Variants in KMT2C observed in about 807,000 individuals in gnomAD.
KMT2C encodes the protein histone-lysine N-methyltransferase 2C.
KMT2C carries 88 observed loss-of-function variants against 507.9 expected under a neutral mutation model. That is an observed-to-expected ratio of 0.17 (90% CI 0.15 to 0.21). KMT2C has a LOEUF of 0.21. Among genes scored for constraint, KMT2C ranks in the 10% least tolerant of loss-of-function variants. The pLI is 1.00. For missense variants in KMT2C, 4,954 were observed against 5,957.8 expected, an observed-to-expected ratio of 0.83 and a Z score of 5.55; for synonymous variants, 2,049 against 2,080.8, an observed-to-expected ratio of 0.98 and a Z score of 0.42.
chr7:152,400,550 C>T (rs1330571219), intron 1 of KMT2C, among the ~76,000 whole-genome samples: 1 of 152,182 alleles, frequency 6.6e-6, no homozygotes, highest in African/African-American at 2.4e-5. Context: ...CAACAATGGA[C>T]ATAGAAGACA....
At chr7:152,201,768 A>ATT (rs1248337782) in intron 26 of KMT2C, among the ~76,000 whole-genome samples, 7 of 152,068 alleles carry the variant, frequency 4.6e-5, no homozygotes, top group African/African-American at 1.7e-4. Context: ...GATATACAAA[A>ATT]AGTAAGGCAC....
intron 14 of KMT2C, among the ~76,000 whole-genome samples, chr7:152,247,169 G>A (rs1043037431): frequency 6.6e-6 from 1 of 152,034 alleles, no homozygotes; most frequent in Admixed American, 6.6e-5. Context: ...ACTTCAGAAA[G>A]CAGCAATTTT....
intron 6 of KMT2C, among the ~76,000 whole-genome samples, chr7:152,296,121 T>C (rs2096492828): frequency 1.5e-5 from 2 of 130,364 alleles, no homozygotes; most frequent in Admixed American, 7.6e-5. Context: ...TTCTAGCTAA[T>C]AAAATGTTAA....
chr7:152,153,077 A>G (rs1252816882), intron 48 of KMT2C, 123 bp from the exon 49 acceptor site: 1 of 1,274,246 alleles, frequency 7.8e-7, no homozygotes, highest in East Asian at 2.4e-5. Context: ...AATCCAACAA[A>G]TTTTATTTAG....
chr7:152,241,248 A>T (rs2095377020), intron 14 of KMT2C, among the ~76,000 whole-genome samples: 1 of 152,042 alleles, frequency 6.6e-6, no homozygotes, highest in African/African-American at 2.4e-5. Flanking sequence ...CACCCAGGCT[A>T]GAGTGCGGTG....
At chr7:152,260,762 A>G (rs1359024939) in intron 9 of KMT2C, among the ~76,000 whole-genome samples, 3 of 152,282 alleles carry the variant, frequency 2.0e-5, no homozygotes, top group Admixed American at 2.0e-4. Flanking sequence ...TTAAAGGAAC[A>G]TAACCAAGAC....
rs10267505 is a variant in KMT2C, at chr7:152,281,469, C to T, written c.850-7602G>A. On this transcript the variant is annotated intron_variant, in intron 6 of 58. Coordinates refer to ENST00000262189, the MANE Select transcript of KMT2C (RefSeq NM_170606.3). ...CATCTACGCCAGGCACAGTGGCTCA[C>T]GCATGTAATCCCAACACTTTGGAAG... Among the ~76,000 whole-genome samples the T allele has an allele frequency of 2.8e-3, 432 of 152,136 alleles. 2 individuals are homozygous for T. Among genetic ancestry groups the T allele is most frequent in the African/African-American group, 0.01 (424 of 41,440 alleles).
chr7:152,378,393 C>CA (rs113374325), intron 1 of KMT2C, among the ~76,000 whole-genome samples: 4 of 151,950 alleles, frequency 2.6e-5, no homozygotes, highest in East Asian at 3.9e-4. Flanking sequence ...CCTCTATCAG[C>CA]AAAAAATCTT....
At chr7:152,355,032 T>C (rs1225423790) in intron 2 of KMT2C, among the ~76,000 whole-genome samples, 2 of 152,134 alleles carry the variant, frequency 1.3e-5, no homozygotes, top group Non-Finnish European at 2.9e-5. Context: ...GGAATGGTAG[T>C]GTGAAGTTCT....
intron 22 of KMT2C, 56 bp from the exon 23 acceptor site, chr7:152,220,791 G>A (rs2094740452): frequency 1.5e-6 from 2 of 1,337,128 alleles, no homozygotes; most frequent in South Asian, 1.2e-5. Flanking sequence ...AAATTTGACT[G>A]ATTACTGTTC....
At chr7:152,341,844 T>C (rs1311854712) in intron 2 of KMT2C, among the ~76,000 whole-genome samples, 1 of 152,218 alleles carries the variant, frequency 6.6e-6, no homozygotes, top group African/African-American at 2.4e-5. Flanking sequence ...AATGTCACCA[T>C]AATCTGTTGT....
chr7:152,348,238 C>A (rs1315624834), intron 2 of KMT2C, among the ~76,000 whole-genome samples: 5 of 152,114 alleles, frequency 3.3e-5, no homozygotes, highest in Non-Finnish European at 7.4e-5. Flanking sequence ...TGGTTCATTG[C>A]TGAATTCTAC....
chr7:152,221,923 T>C, intron 22 of KMT2C, 78 bp downstream of exon 22: 1 of 1,056,492 alleles, frequency 9.5e-7, no homozygotes, highest in Non-Finnish European at 1.4e-6. Flanking sequence ...TGAAGCAGGT[T>C]TGACAAGTGG....
intron 51 of KMT2C, among the ~76,000 whole-genome samples, chr7:152,150,598 G>C (rs894226348): frequency 6.6e-6 from 1 of 152,120 alleles, no homozygotes; most frequent in African/African-American, 2.4e-5. Flanking sequence ...TGTGGGACCA[G>C]AATGAGACTC....
chr7:152,161,598 C>A (rs1272825579), intron 43 of KMT2C, among the ~76,000 whole-genome samples: 1 of 151,954 alleles, frequency 6.6e-6, no homozygotes, highest in East Asian at 1.9e-4. Context: ...TAACTTAAAA[C>A]TGATAGAAAA....
At chr7:152,415,498 A>G (rs74355798) in intron 1 of KMT2C, among the ~76,000 whole-genome samples, 1 of 152,218 alleles carries the variant, frequency 6.6e-6, no homozygotes, top group Non-Finnish European at 1.5e-5. Flanking sequence ...ACAAGCTTAA[A>G]TTAATGATAC....
chr7:152,163,983 T>C (rs1036889877), intron 42 of KMT2C, among the ~76,000 whole-genome samples, 157 bp from the exon 43 acceptor site: 16 of 152,112 alleles, frequency 1.1e-4, no homozygotes, highest in African/African-American at 3.9e-4. Flanking sequence ...CACAAAAAAA[T>C]TGAATTGATA....
chr7:152,307,353 G>A (rs1408985366), intron 6 of KMT2C, among the ~76,000 whole-genome samples: 2 of 141,810 alleles, frequency 1.4e-5, no homozygotes, highest in Non-Finnish European at 3.1e-5. Flanking sequence ...AGGGAGGGAG[G>A]GAAGGAGAGA....
chr7:152,296,223 G>A (rs1283027035), intron 6 of KMT2C, among the ~76,000 whole-genome samples: 1 of 151,848 alleles, frequency 6.6e-6, no homozygotes, highest in Non-Finnish European at 1.5e-5. Context: ...GAGGTCAGGA[G>A]TTCAAGACTA....
Sources: gnomAD v4.1 joint callset for allele counts (sites outside exome capture counted in the v4.1 genomes callset) on GRCh38, gnomAD v4.1.1 for gene constraint, MANE v1.5 for transcripts, NCBI Gene and HGNC (gene_info 2026-07-23, HGNC 2026-07-21) for gene names.